CTNNA2: variants seen among roughly 807,000 people sequenced by gnomAD.
CTNNA2 encodes the protein catenin alpha-2.
Under a neutral mutation model 101.0 loss-of-function variants are expected in CTNNA2, and 42 were observed. The ratio of observed to expected loss-of-function variants is 0.42; its 90% CI spans 0.32 to 0.54. The LOEUF (loss-of-function observed/expected upper bound fraction) is 0.54. CTNNA2 is among the 20% of genes least tolerant of loss of function. The pLI, the probability that CTNNA2 is intolerant of heterozygous loss-of-function variation, is 0.14. For synonymous variants in CTNNA2, 450 were observed against 456.4 expected (o/e 0.99, Z 0.18); for missense variants, 871 against 1,223.1 (o/e 0.71, Z 4.29).
At position 80,343,877 on chromosome 2, in the gene CTNNA2, A is replaced by G. The variant is rs576179558; in HGVS notation, c.1057-49334A>G. On this transcript the variant is annotated intron_variant, in intron 7 of 18. Coordinates refer to ENST00000402739, the MANE Select transcript of CTNNA2 (RefSeq NM_001282597.3). ...CATTTCTATCAGCACACAAACATCT[A>G]AATTCTCCCTCACACACTTATATAT... Among the ~76,000 whole-genome samples the G allele has an allele frequency of 4.6e-5, 7 of 152,316 alleles. No homozygotes were observed. The South Asian group carries it at 1.2e-3, about 27-fold the overall frequency.
chr2:79,509,878 C>G (rs1426700231), upstream of CTNNA2, among the ~76,000 whole-genome samples: 1 of 152,152 alleles, frequency 6.6e-6, no homozygotes, highest in South Asian at 2.1e-4. Flanking sequence ...CTTTGTACTT[C>G]TCACTCAATT....
chr2:80,240,347 T>G (rs1275133080), intron 7 of CTNNA2, among the ~76,000 whole-genome samples: 1 of 152,204 alleles, frequency 6.6e-6, no homozygotes, highest in Admixed American at 6.5e-5. Context: ...TGAGAACTTC[T>G]ATGGTGTTAA....
chr2:79,669,006 C>A (rs1682640693), intron 2 of CTNNA2, among the ~76,000 whole-genome samples: 1 of 152,174 alleles, frequency 6.6e-6, no homozygotes, highest in Non-Finnish European at 1.5e-5. Context: ...TCCCAGCAGG[C>A]TGGGTGAGGT....
chr2:79,731,886 A>C (rs536949033), intron 2 of CTNNA2, among the ~76,000 whole-genome samples: 1 of 152,040 alleles, frequency 6.6e-6, no homozygotes, highest in South Asian at 2.1e-4. Context: ...AAGAGCAAAA[A>C]TAAATATTCA....
intron 2 of CTNNA2, among the ~76,000 whole-genome samples, chr2:79,256,438 A>C (rs537790720): frequency 1.3e-5 from 2 of 152,272 alleles, no homozygotes; most frequent in East Asian, 3.9e-4. Flanking sequence ...ACAGTCACTA[A>C]TGACTATGAA....
chr2:80,147,112 C>A (rs113648716), intron 7 of CTNNA2, among the ~76,000 whole-genome samples: 6,880 of 151,978 alleles, frequency 0.045, 519 homozygotes, highest in African/African-American at 0.15. Context: ...ATTACAGGCA[C>A]ACACCATCAT....
chr2:80,592,835 T>A (rs56742755), intron 15 of CTNNA2, among the ~76,000 whole-genome samples: 7,392 of 152,260 alleles, frequency 0.049, 455 homozygotes, highest in African/African-American at 0.14. Flanking sequence ...ACTCAGAATA[T>A]ACTGAGGCAT....
intron 3 of CTNNA2, among the ~76,000 whole-genome samples, chr2:79,358,134 A>C (rs944126344): frequency 6.6e-6 from 1 of 151,960 alleles, no homozygotes; most frequent in Middle Eastern, 3.4e-3. Context: ...TTAAATGAAA[A>C]CCTTTGAGCT....
chr2:80,443,918 A>G (rs533479451), intron 9 of CTNNA2, among the ~76,000 whole-genome samples: 2 of 152,290 alleles, frequency 1.3e-5, no homozygotes, highest in East Asian at 3.9e-4. Flanking sequence ...TCACATATGC[A>G]TTTTTATACA....
At chr2:79,421,220 A>G (rs1348150033) in intron 4 of CTNNA2, among the ~76,000 whole-genome samples, 2 of 152,332 alleles carry the variant, frequency 1.3e-5, no homozygotes, top group East Asian at 3.9e-4. Context: ...TCCTAGATGC[A>G]GTGTCATAAA....
chr2:80,090,421 G>A (rs1699726885), intron 7 of CTNNA2, among the ~76,000 whole-genome samples: 1 of 152,022 alleles, frequency 6.6e-6, no homozygotes, highest in Non-Finnish European at 1.5e-5. Flanking sequence ...TGAACACAGG[G>A]CTGTCCTGGA....
intron 9 of CTNNA2, among the ~76,000 whole-genome samples, chr2:80,438,188 T>C (rs1445066755): frequency 6.6e-6 from 1 of 152,188 alleles, no homozygotes; most frequent in African/African-American, 2.4e-5. Flanking sequence ...TGGTCTTTCC[T>C]CTATGCTCGC....
chr2:79,412,872 G>T (rs1319199251), intron 4 of CTNNA2, among the ~76,000 whole-genome samples: 10 of 152,104 alleles, frequency 6.6e-5, no homozygotes, highest in African/African-American at 2.2e-4. Context: ...AAAAGGAAAT[G>T]AGCATTAGTG....
At chr2:79,733,352 T>G (rs1351929175) in intron 2 of CTNNA2, among the ~76,000 whole-genome samples, 1 of 152,146 alleles carries the variant, frequency 6.6e-6, no homozygotes, top group East Asian at 1.9e-4. Context: ...CATAACTAGT[T>G]GACAAAGAGC....
intron 7 of CTNNA2, among the ~76,000 whole-genome samples, chr2:80,180,833 T>C (rs1420151800): frequency 6.6e-6 from 1 of 152,218 alleles, no homozygotes; most frequent in African/African-American, 2.4e-5. Flanking sequence ...ATTTGCAGCT[T>C]GCTCACAGTG....
chr2:79,899,142 A>G (rs1444043976), intron 6 of CTNNA2, among the ~76,000 whole-genome samples: 1 of 152,170 alleles, frequency 6.6e-6, no homozygotes, highest in Non-Finnish European at 1.5e-5. Context: ...TCAAGAATGT[A>G]GAACGTTCCA....
intron 9 of CTNNA2, among the ~76,000 whole-genome samples, chr2:80,506,827 G>A (rs952315382): frequency 6.6e-6 from 1 of 152,142 alleles, no homozygotes; most frequent in African/African-American, 2.4e-5. Flanking sequence ...AAGGAATAGA[G>A]CATGCCACTT....
intron 7 of CTNNA2, among the ~76,000 whole-genome samples, chr2:80,334,572 AC>A (rs1485352480): frequency 1.1e-4 from 16 of 151,888 alleles, no homozygotes; most frequent in African/African-American, 3.4e-4. Flanking sequence ...ATATAAAGTC[AC>A]CCTACATTTC....
intron 7 of CTNNA2, among the ~76,000 whole-genome samples, chr2:80,203,309 A>T (rs1573380201): frequency 6.6e-6 from 1 of 152,346 alleles, no homozygotes; most frequent in Admixed American, 6.5e-5. Flanking sequence ...TCCACATTCC[A>T]AAGTCTCATC....
Sources: allele counts gnomAD v4.1 joint callset (sites outside exome capture counted in the v4.1 genomes callset), GRCh38; gene constraint gnomAD v4.1.1; transcripts MANE v1.5; gene names NCBI Gene and HGNC (gene_info 2026-07-23, HGNC 2026-07-21).